Variants in TMEM135 observed in about 807,000 individuals in gnomAD.
TMEM135 encodes transmembrane protein 135.
In TMEM135, 30 loss-of-function variants were observed where a neutral mutation model predicts 60.3. That is an observed-to-expected ratio of 0.50 (90% CI 0.37 to 0.68). The LOEUF (loss-of-function observed/expected upper bound fraction) is 0.68. Among genes scored for constraint, TMEM135 ranks in the 30% least tolerant of loss-of-function variants. The pLI, the probability that TMEM135 is intolerant of heterozygous loss-of-function variation, is 0.00. For missense variants in TMEM135, 468 were observed against 548.8 expected (o/e 0.85, Z 1.47); for synonymous variants, 190 against 186.7 (o/e 1.02, Z -0.14).
chr11:87,091,532 A>G lies in TMEM135; in HGVS notation c.396+137A>G, dbSNP rs1857204587. Reference sequence around the variant, plus strand: ...TCTCTGTGTTAATGGATAGAATTAAATGTTCAAAAAAGCCTTGATACCATC... The same window carrying G: ...TCTCTGTGTTAATGGATAGAATTAAGTGTTCAAAAAAGCCTTGATACCATC... On this transcript the variant is annotated intron_variant, in intron 4 of 14. Coordinates refer to ENST00000305494, the MANE Select transcript of TMEM135 (RefSeq NM_022918.4). 3.3e-5 allele frequency: 27 copies of G among 827,738 alleles called. No individual in the cohort carries two copies. In the South Asian group the frequency reaches 4.4e-4, roughly 13 times the overall value. The allele number at this position is 827,738 out of a possible 1,614,324, so 51.3% of individuals were successfully genotyped here.
chr11:87,113,094 G>A (rs1036877030), intron 4 of TMEM135, among the ~76,000 whole-genome samples: 2 of 152,056 alleles, frequency 1.3e-5, no homozygotes, highest in Admixed American at 6.5e-5. Flanking sequence ...TTTAGAATAT[G>A]TCTCTAAGGC....
intron 4 of TMEM135, among the ~76,000 whole-genome samples, chr11:87,119,294 T>G (rs1857979142): frequency 6.6e-6 from 1 of 152,142 alleles, no homozygotes; most frequent in African/African-American, 2.4e-5. Context: ...GTGAGTGAGA[T>G]GGGGGAACAG....
intron 5 of TMEM135, among the ~76,000 whole-genome samples, chr11:87,201,616 C>G (rs1305666141): frequency 3.9e-5 from 6 of 152,166 alleles, no homozygotes; most frequent in Admixed American, 1.3e-4. Flanking sequence ...TTAATTTTAT[C>G]ATATGATGGC....
chr11:87,090,916 G>T (rs577448138), intron 3 of TMEM135, among the ~76,000 whole-genome samples: 4 of 152,114 alleles, frequency 2.6e-5, no homozygotes, highest in African/African-American at 9.6e-5. Flanking sequence ...ATTGTATTGT[G>T]TGTGAAACAG....
intron 6 of TMEM135, among the ~76,000 whole-genome samples, chr11:87,247,446 A>G (rs526114): frequency 6.6e-6 from 1 of 151,476 alleles, no homozygotes; most frequent in African/African-American, 2.4e-5. Flanking sequence ...TGTCTGTGCC[A>G]TTCCCCCAGA....
intron 5 of TMEM135, among the ~76,000 whole-genome samples, chr11:87,223,566 C>G (rs1420622050): frequency 6.6e-6 from 1 of 151,988 alleles, no homozygotes; most frequent in Non-Finnish European, 1.5e-5. Context: ...AAAAAAACCC[C>G]AAAAAGTCTG....
rs1358538996 is a variant in TMEM135, at chr11:87,324,261, G to A, written c.*2928G>A. Reference sequence around the variant, plus strand: ...TGAAAAGCAATGTCCTTTACTCTCAGGGAGCTTCGTCCACTTGCCTGTGTC... The same window carrying A: ...TGAAAAGCAATGTCCTTTACTCTCAAGGAGCTTCGTCCACTTGCCTGTGTC... On this transcript the variant is annotated 3_prime_UTR_variant, in exon 15 of 15. Transcript: ENST00000305494. 1 of 453,972 alleles carries A rather than the reference G, an allele frequency of 2.2e-6. No homozygotes were observed. Among genetic ancestry groups the A allele is most frequent in the Non-Finnish European group, 4.4e-6 (1 of 226,772 alleles). The allele number at this position is 453,972 out of a possible 1,614,324, so 28.1% of individuals were successfully genotyped here.
At chr11:87,038,215 G>T (rs1949720312) in intron 1 of TMEM135, 29 bp downstream of exon 1, 1 of 1,612,680 alleles carries the variant, frequency 6.2e-7, no homozygotes, top group Non-Finnish European at 8.5e-7. Context: ...CCCGCAGGGC[G>T]AGTTTAGTCT....
At chr11:87,290,049 C>T (rs1377474672) in intron 6 of TMEM135, among the ~76,000 whole-genome samples, 10 of 152,050 alleles carry the variant, frequency 6.6e-5, no homozygotes, top group Non-Finnish European at 5.9e-5. Context: ...ATATTTTCTC[C>T]CATTCTGTAG....
chr11:87,113,860 A>G (rs755137595), intron 4 of TMEM135, among the ~76,000 whole-genome samples: 6 of 152,096 alleles, frequency 3.9e-5, no homozygotes, highest in Non-Finnish European at 7.4e-5. Flanking sequence ...GATCATCACA[A>G]TATGATCCCT....
intron 6 of TMEM135, among the ~76,000 whole-genome samples, chr11:87,287,506 G>A (rs2846208): frequency 0.15 from 22,953 of 151,908 alleles, 2,250 homozygotes; most frequent in African/African-American, 0.27. Context: ...GTGAAACCCC[G>A]TCTCTACTAA....
At chr11:87,118,679 T>C (rs1857958636) in intron 4 of TMEM135, among the ~76,000 whole-genome samples, 1 of 152,136 alleles carries the variant, frequency 6.6e-6, no homozygotes. Context: ...CCTGACCTCA[T>C]GATCCGCCCA....
chr11:87,076,443 C>G lies in TMEM135; in HGVS notation c.362+4828C>G, dbSNP rs74976416. Among the ~76,000 whole-genome samples, 1,319 of 152,322 alleles carry G rather than the reference C, an allele frequency of 8.7e-3. 25 individuals are homozygous for G. The highest frequency in any genetic ancestry group is 0.03 in the African/African-American group (1,247 of 41,572). On this transcript the variant is annotated intron_variant, in intron 3 of 14. Coordinates refer to ENST00000305494, the MANE Select transcript of TMEM135 (RefSeq NM_022918.4). Reference sequence around the variant, plus strand: ...TCACCCTTCAGGGCAGTAGGCCCCCCCTCTGGCCTAGGGTAGGTTCAGAAA... The same window carrying G: ...TCACCCTTCAGGGCAGTAGGCCCCCGCTCTGGCCTAGGGTAGGTTCAGAAA...
At chr11:87,177,621 T>G (rs1280592043) in intron 5 of TMEM135, among the ~76,000 whole-genome samples, 4 of 152,284 alleles carry the variant, frequency 2.6e-5, no homozygotes, top group African/African-American at 9.6e-5. Flanking sequence ...TATTTGTTGC[T>G]ATCACTTCCC....
rs1171854371 is a variant in TMEM135 at position 87,328,014 on chromosome 11, T to G, written c.*6681T>G. 2.2e-6 allele frequency: 1 copy of G among 454,040 alleles called. No individual in the cohort carries two copies. The highest frequency in any genetic ancestry group is 2.3e-5 in the Admixed American group (1 of 42,566). The allele number at this position is 454,040 out of a possible 1,614,324, so 28.1% of individuals were successfully genotyped here. A position where few individuals can be genotyped will look rare whatever the true frequency, so the allele number is the denominator to read the frequency against. ...ATGCCAATCTCCTCTGGAAACACCCTCACAGACACACCCCAAAATAATGCC... is the reference window on the plus strand; with the variant it reads ...ATGCCAATCTCCTCTGGAAACACCCGCACAGACACACCCCAAAATAATGCC... On this transcript the variant is annotated 3_prime_UTR_variant, in exon 15 of 15. Transcript: ENST00000305494.
intron 7 of TMEM135, among the ~76,000 whole-genome samples, chr11:87,301,490 G>A (rs2135439439): frequency 6.6e-6 from 1 of 152,304 alleles, no homozygotes; most frequent in Middle Eastern, 3.4e-3. Context: ...CTGGCCACAA[G>A]TGATTGTCCT....
At position 87,319,393 on chromosome 11, in the gene TMEM135, G is replaced by A. The variant is rs772360893; in HGVS notation, c.1244+16G>A. 1.3e-6 allele frequency: 2 copies of A among 1,589,826 alleles called. No homozygotes were observed. The highest frequency in any genetic ancestry group is 2.2e-5 in the South Asian group (2 of 90,452). ...CCAAGGGCAAGTAAGTGACTACGTA[G>A]TTTTCTTAAAAATATTATGAGTGGT... On this transcript the variant is annotated intron_variant, in intron 14 of 14. Transcript: ENST00000305494.
chr11:87,080,501 G>C (rs1204738190), intron 3 of TMEM135, among the ~76,000 whole-genome samples: 1 of 152,040 alleles, frequency 6.6e-6, no homozygotes, highest in African/African-American at 2.4e-5. Flanking sequence ...CTTCAACTGT[G>C]ATTCTGGAAT....
chr11:87,161,034 G>C (rs192659076), intron 5 of TMEM135, among the ~76,000 whole-genome samples: 1 of 152,056 alleles, frequency 6.6e-6, no homozygotes, highest in East Asian at 1.9e-4. Flanking sequence ...TGAGTAGTTG[G>C]GACCACATGC....
Sources: gnomAD v4.1 joint callset for allele counts (sites outside exome capture counted in the v4.1 genomes callset) on GRCh38, gnomAD v4.1.1 for gene constraint, MANE v1.5 for transcripts, NCBI Gene and HGNC (gene_info 2026-07-23, HGNC 2026-07-21) for gene names.